The following CACNG7 variants were observed in gnomAD, a reference collection of about 807,000 sequenced individuals.
CACNG7 encodes the protein calcium voltage-gated channel auxiliary subunit gamma 7, also known as voltage-dependent calcium channel gamma-7 subunit.
A neutral mutation model predicts 26.3 loss-of-function variants in CACNG7; 9 were observed. The ratio of observed to expected loss-of-function variants is 0.34; its 90% confidence interval spans 0.21 to 0.60. CACNG7 has a LOEUF of 0.60. Among genes scored for constraint, CACNG7 ranks in the 20% least tolerant of loss-of-function variants. The pLI is 0.81. For synonymous variants in CACNG7, 170 were observed against 157.0 expected, an observed-to-expected ratio of 1.08 and a Z score of -0.62; for missense variants, 297 against 380.4, an observed-to-expected ratio of 0.78 and a Z score of 1.82.
chr19:53,921,742 C>CCCCAGGTCTGGTATTGGTGGAGTTGT (rs1568774687), intron 4 of CACNG7, among the ~76,000 whole-genome samples: 1 of 55,406 alleles, frequency 1.8e-5, no homozygotes, highest in Non-Finnish European at 3.3e-5. Context: ...GGTGGAGTTG[C>CCCCAGGTCTGGTATTGGTGGAGTTGT]CCCAGGTCTG....
At chr19:53,936,921 G>GT (rs1374304662) in intron 4 of CACNG7, among the ~76,000 whole-genome samples, 2 of 150,912 alleles carry the variant, frequency 1.3e-5, no homozygotes, top group African/African-American at 2.4e-5. Flanking sequence ...ACTTAATTGA[G>GT]TTTTTTGAGA....
intron 4 of CACNG7, among the ~76,000 whole-genome samples, chr19:53,928,765 G>C (rs1421650265): frequency 6.6e-6 from 1 of 152,086 alleles, no homozygotes; most frequent in Non-Finnish European, 1.5e-5. Context: ...AGTCTGCTTT[G>C]GGTTTCAGAA....
intron 2 of CACNG7, 101 bp downstream of exon 2, chr19:53,913,128 C>T (rs2068871587): frequency 1.9e-6 from 2 of 1,066,240 alleles, no homozygotes; most frequent in South Asian, 3.2e-5. Context: ...AATCCAGAAA[C>T]GGATCCTGAT....
At position 53,918,428 on chromosome 19, in the gene CACNG7, C is replaced by T. The variant is rs191398929; in HGVS notation, c.424+2923C>T. On this transcript the variant is annotated intron_variant, in intron 4 of 5. Transcript: ENST00000391767. ...ATTTGTGGACTCTCAAATTTGAGTT[C>T]AATGTAATTTTCATGTGCATGAAAT... is the stretch of plus-strand genomic sequence containing the variant. Among the ~76,000 whole-genome samples, 1,391 of 152,180 alleles carry T rather than the reference C, an allele frequency of 9.1e-3. 5 individuals are homozygous for T. The highest frequency in any genetic ancestry group is 0.014 in the Non-Finnish European group (940 of 68,002).
chr19:53,920,343 T>A (rs1278464579), intron 4 of CACNG7, among the ~76,000 whole-genome samples: 1 of 111,138 alleles, frequency 9.0e-6, no homozygotes, highest in South Asian at 2.9e-4. Flanking sequence ...TGGTCATTGG[T>A]GGAGTTTCCC....
rs2069131129 is a variant in CACNG7 at position 53,940,588 on chromosome 19, G to A, written c.425-882G>A. Among the ~76,000 whole-genome samples, 1 of 152,026 alleles carries A rather than the reference G, an allele frequency of 6.6e-6. No individual in the cohort carries two copies. The highest frequency in any genetic ancestry group is 1.5e-5 in the Non-Finnish European group (1 of 68,004). On this transcript the variant is annotated intron_variant, in intron 4 of 5. Transcript: ENST00000391767. The surrounding 1 kb of genome is among the most constrained non-coding windows in gnomAD (Gnocchi z 4.1). The stretch of plus-strand genomic sequence containing the variant: ...CCCTTGGCGTCAACACCCAGCTCCT[G>A]GGCCCGGCATTCGAGGCTCACCATG...
chr19:53,937,889 C>T (rs929391825), intron 4 of CACNG7, among the ~76,000 whole-genome samples: 9 of 152,090 alleles, frequency 5.9e-5, no homozygotes, highest in Non-Finnish European at 1.2e-4. Flanking sequence ...CTGCGCCTGG[C>T]CCATAGAAGG....
At chr19:53,937,206 G>A (rs1199707266) in intron 4 of CACNG7, among the ~76,000 whole-genome samples, 4 of 152,102 alleles carry the variant, frequency 2.6e-5, no homozygotes, top group Non-Finnish European at 4.4e-5. Flanking sequence ...ATTTTTCAAC[G>A]GCAAGTCATG....
At chr19:53,929,004 G>T (rs1315840926) in intron 4 of CACNG7, among the ~76,000 whole-genome samples, 1 of 151,060 alleles carries the variant, frequency 6.6e-6, no homozygotes, top group Non-Finnish European at 1.5e-5. Context: ...AGCTACTCAG[G>T]AGGCTGAGGC....
chr19:53,933,672 T>G (rs2069087929), intron 4 of CACNG7, among the ~76,000 whole-genome samples: 1 of 151,674 alleles, frequency 6.6e-6, no homozygotes, highest in African/African-American at 2.4e-5. Context: ...TTTTTTTTTT[T>G]TTTTGGCAAG....
At chr19:53,941,347 A>G in intron 4 of CACNG7, 123 bp from the exon 5 acceptor site, 1 of 1,123,290 alleles carries the variant, frequency 8.9e-7, no homozygotes, top group East Asian at 2.8e-5. Context: ...CCCAGCATAC[A>G]AGGGGCTTCA....
chr19:53,936,210 C>T (rs1044461224), intron 4 of CACNG7, among the ~76,000 whole-genome samples: 1 of 152,038 alleles, frequency 6.6e-6, no homozygotes, highest in Admixed American at 6.6e-5. Context: ...GTTACGCATT[C>T]TCAGCAGGAA....
intron 4 of CACNG7, among the ~76,000 whole-genome samples, chr19:53,923,797 G>A (rs1436898439): frequency 8.6e-6 from 1 of 116,598 alleles, no homozygotes; most frequent in Non-Finnish European, 1.7e-5. Flanking sequence ...GTTGCCCCAG[G>A]TCTGGTCATT....
intron 4 of CACNG7, among the ~76,000 whole-genome samples, chr19:53,930,608 C>T (rs2069065405): frequency 6.6e-6 from 1 of 152,084 alleles, no homozygotes. Flanking sequence ...CTCCTGACCT[C>T]ATGATCTGCC....
chr19:53,934,267 C>T (rs1422375297), intron 4 of CACNG7, among the ~76,000 whole-genome samples: 1 of 152,138 alleles, frequency 6.6e-6, no homozygotes, highest in African/African-American at 2.4e-5. Context: ...TTTCTGTAAC[C>T]TGGAAGTTCT....
At chr19:53,933,179 C>A (rs917433472) in intron 4 of CACNG7, among the ~76,000 whole-genome samples, 3 of 151,910 alleles carry the variant, frequency 2.0e-5, no homozygotes, top group Admixed American at 6.6e-5. Flanking sequence ...GCAATCTCGG[C>A]TCACTGCAAC....
At position 53,940,072 on chromosome 19, in the gene CACNG7, G is replaced by A. The variant is rs2069128174; in HGVS notation, c.425-1398G>A. Among the ~76,000 whole-genome samples, 1 of 152,138 alleles carries A rather than the reference G, an allele frequency of 6.6e-6. No homozygotes were observed. The highest frequency in any genetic ancestry group is 1.5e-5 in the Non-Finnish European group (1 of 68,022). On this transcript the variant is annotated intron_variant, in intron 4 of 5. Transcript: ENST00000391767. This position sits in a 1 kb window ranked among gnomAD's most constrained non-coding sequence, Gnocchi z 4.1. The stretch of plus-strand genomic sequence containing the variant: ...TGGCACACAGAATGTAGGATTCTAG[G>A]GGAAGAGGTTGATAGGGATTAGTTA...
chr19:53,923,549 T>C (rs377186245), intron 4 of CACNG7, among the ~76,000 whole-genome samples: 6,423 of 53,686 alleles, frequency 0.12, 42 homozygotes, highest in African/African-American at 0.25. Flanking sequence ...GGTGGAGTTG[T>C]CCCAGGTCTG....
In CACNG7 at chr19:53,911,559, T is replaced by C. The variant is rs140002950; in HGVS notation, c.-29-1244T>C. Among the ~76,000 whole-genome samples, 11 of 152,066 alleles carry C rather than the reference T, an allele frequency of 7.2e-5. No individual in the cohort carries two copies. In the East Asian group the frequency reaches 2.1e-3, roughly 30 times the overall value. ...GGAGTGAGGAGGAATTGGAGCAAGATTGGGTTTTAAGACGGGGTGCAAGAA... is the reference window on the plus strand; with the variant it reads ...GGAGTGAGGAGGAATTGGAGCAAGACTGGGTTTTAAGACGGGGTGCAAGAA... On this transcript the variant is annotated intron_variant, in intron 1 of 5. Coordinates refer to ENST00000391767, the MANE Select transcript of CACNG7 (RefSeq NM_031896.5).
Sources: gnomAD v4.1 joint callset for allele counts (sites outside exome capture counted in the v4.1 genomes callset) on GRCh38, gnomAD v4.1.1 for gene constraint, Gnocchi (gnomAD v3.1) non-coding constraint, MANE v1.5 for transcripts, NCBI Gene and HGNC (gene_info 2026-07-23, HGNC 2026-07-21) for gene names.